The following SLIT3 variants were observed in gnomAD, a reference collection of about 807,000 sequenced individuals.
The protein encoded by SLIT3 is slit homolog 3 protein.
In SLIT3, 68 loss-of-function variants were observed where a neutral mutation model predicts 184.0. That is an observed-to-expected ratio of 0.37 (90% CI 0.30 to 0.45). SLIT3 has a LOEUF of 0.45. Among genes scored for constraint, SLIT3 ranks in the 20% least tolerant of loss-of-function variants. The pLI, the probability that SLIT3 is intolerant of heterozygous loss-of-function variation, is 1.00. For missense variants in SLIT3, 1,707 were observed against 2,026.0 expected (o/e 0.84, Z 3.02); for synonymous variants, 831 against 828.6 (o/e 1.00, Z -0.05).
chr5:168,833,980 G>T (rs942710250), intron 6 of SLIT3, among the ~76,000 whole-genome samples: 1 of 152,198 alleles, frequency 6.6e-6, no homozygotes, highest in Admixed American at 6.5e-5. Context: ...GGTCATGGAT[G>T]CCCAGATCTG....
At chr5:168,925,817 A>C (rs1326168868) in intron 4 of SLIT3, among the ~76,000 whole-genome samples, 1 of 152,158 alleles carries the variant, frequency 6.6e-6, no homozygotes, top group Non-Finnish European at 1.5e-5. Context: ...GTTATATTTA[A>C]AGGCAGTAAC....
intron 3 of SLIT3, among the ~76,000 whole-genome samples, chr5:169,225,146 A>G (rs1367547632): frequency 2.0e-5 from 3 of 152,220 alleles, no homozygotes; most frequent in Admixed American, 6.5e-5. Flanking sequence ...CCACTATGTG[A>G]CAAGTCTTGT....
At chr5:168,715,120 A>AG (rs1197959420) in intron 23 of SLIT3, among the ~76,000 whole-genome samples, 6 of 152,310 alleles carry the variant, frequency 3.9e-5, no homozygotes, top group African/African-American at 1.4e-4. Flanking sequence ...TAAGAACCCA[A>AG]GGCTCTGGAG....
chr5:168,968,743 A>C lies in SLIT3; in HGVS notation c.414-85407T>G, dbSNP rs558982245. Reference sequence around the variant, plus strand: ...CACTGTCTTGGCTACACACCTCTGTAGGTCTTTGCCCTACTGAGCATGATC... The same window carrying C: ...CACTGTCTTGGCTACACACCTCTGTCGGTCTTTGCCCTACTGAGCATGATC... On this transcript the variant is annotated intron_variant, in intron 4 of 35. Coordinates refer to ENST00000519560, the MANE Select transcript of SLIT3 (RefSeq NM_003062.4). 2.4e-4 allele frequency among the ~76,000 whole-genome samples: 36 copies of C among 152,284 alleles called. 1 individual carries two copies. The highest frequency in any genetic ancestry group is 8.4e-4 in the African/African-American group (35 of 41,560).
chr5:168,983,565 T>C lies in SLIT3; in HGVS notation c.414-100229A>G, dbSNP rs546300091. ...CTGATGTCCATTCTTTGCTCTGTTC[T>C]AAGCTGTGAGCCCCGAGCAAAATCA... On this transcript the variant is annotated intron_variant, in intron 4 of 35. Transcript: ENST00000519560. 2.6e-5 allele frequency among the ~76,000 whole-genome samples: 4 copies of C among 152,350 alleles called. No homozygotes were observed. In the South Asian group the frequency reaches 8.3e-4, roughly 32 times the overall value.
At chr5:169,121,891 C>T (rs1413167392) in intron 4 of SLIT3, among the ~76,000 whole-genome samples, 1 of 152,212 alleles carries the variant, frequency 6.6e-6, no homozygotes, top group African/African-American at 2.4e-5. Context: ...CAGTTTAGTG[C>T]TCCTTTCTCA....
At chr5:168,868,385 G>T (rs1759384380) in intron 5 of SLIT3, among the ~76,000 whole-genome samples, 1 of 152,080 alleles carries the variant, frequency 6.6e-6, no homozygotes, top group East Asian at 1.9e-4. Flanking sequence ...TGAACTCCTG[G>T]GTTCAAGCAA....
intron 4 of SLIT3, among the ~76,000 whole-genome samples, chr5:169,157,887 G>T (rs1422022015): frequency 1.3e-5 from 2 of 151,620 alleles, no homozygotes; most frequent in Admixed American, 6.6e-5. Context: ...AAAATTCAAT[G>T]AATGGGTTCC....
intron 4 of SLIT3, among the ~76,000 whole-genome samples, chr5:168,966,717 T>G (rs1223571117): frequency 6.6e-6 from 1 of 151,976 alleles, no homozygotes; most frequent in Non-Finnish European, 1.5e-5. Context: ...GTCTGGAGAG[T>G]TGCAAGAGAG....
At chr5:168,943,500 T>A (rs75522134) in intron 4 of SLIT3, among the ~76,000 whole-genome samples, 1 of 152,344 alleles carries the variant, frequency 6.6e-6, no homozygotes, top group African/African-American at 2.4e-5. Flanking sequence ...ATCTGAGTAG[T>A]AATCTCAGTT....
chr5:168,779,315 G>A (rs554653731), intron 12 of SLIT3, among the ~76,000 whole-genome samples: 6 of 152,290 alleles, frequency 3.9e-5, no homozygotes, highest in Non-Finnish European at 7.3e-5. Context: ...GATGGGAGGC[G>A]GTGGAGGTAC....
intron 4 of SLIT3, among the ~76,000 whole-genome samples, chr5:169,056,515 C>T (rs1255755343): frequency 4.6e-5 from 7 of 151,898 alleles, no homozygotes; most frequent in Admixed American, 6.6e-5. Flanking sequence ...ACATTGCCAT[C>T]GATAGGTTTG....
chr5:168,685,245 G>A (rs1761708815), intron 31 of SLIT3, among the ~76,000 whole-genome samples: 1 of 152,204 alleles, frequency 6.6e-6, no homozygotes, highest in Admixed American at 6.5e-5. Flanking sequence ...CACCACACCT[G>A]GCCAAAGATA....
intron 4 of SLIT3, among the ~76,000 whole-genome samples, chr5:169,088,956 G>C (rs1759445898): frequency 7.1e-6 from 1 of 141,074 alleles, no homozygotes; most frequent in Admixed American, 7.6e-5. Flanking sequence ...GGAGGCAGAG[G>C]TTGCAGTGAG....
chr5:168,938,207 A>G (rs10062327), intron 4 of SLIT3, among the ~76,000 whole-genome samples: 2,945 of 152,348 alleles, frequency 0.019, 107 homozygotes, highest in African/African-American at 0.067. Flanking sequence ...TGAGGCAAAG[A>G]ACATATTCTG....
chr5:169,202,820 T>C lies in SLIT3; in HGVS notation c.342-9270A>G, dbSNP rs1245823629. Among the ~76,000 whole-genome samples, 4 of 115,474 alleles carry C rather than the reference T, an allele frequency of 3.5e-5. No individual in the cohort carries two copies. The South Asian group carries it at 1.3e-3, about 36-fold the overall frequency. The allele number at this position is 115,474 out of a possible 152,430, so 75.8% of individuals were successfully genotyped here. A position where few individuals can be genotyped will look rare whatever the true frequency, so the allele number is the denominator to read the frequency against. ...CCCACCCCTGCCCGCAACACACACA[T>C]ACCAAACAATCTCTTTTGACCTTTC... On this transcript the variant is annotated intron_variant, in intron 3 of 35. Coordinates refer to ENST00000519560, the MANE Select transcript of SLIT3 (RefSeq NM_003062.4).
chr5:168,789,536 G>A, intron 11 of SLIT3, 24 bp downstream of exon 11: 1 of 1,601,164 alleles, frequency 6.2e-7, no homozygotes, highest in Non-Finnish European at 8.5e-7. Flanking sequence ...CCTCACCTCA[G>A]GCCCCAACTC....
At chr5:168,798,416 GA>G (rs1402508722) in intron 9 of SLIT3, among the ~76,000 whole-genome samples, 4 of 151,888 alleles carry the variant, frequency 2.6e-5, no homozygotes, top group Admixed American at 2.6e-4. Context: ...TTTGTAGAGA[GA>G]GGGGTCTCAC....
intron 26 of SLIT3, chr5:168,707,756 G>T (rs567393366): frequency 1.9e-6 from 1 of 534,628 alleles, no homozygotes; most frequent in Admixed American, 3.3e-5. Flanking sequence ...GGACATCCTT[G>T]TCAAGACCAT....
Sources: allele counts gnomAD v4.1 joint callset (sites outside exome capture counted in the v4.1 genomes callset), GRCh38; gene constraint gnomAD v4.1.1; transcripts MANE v1.5; gene names NCBI Gene and HGNC (gene_info 2026-07-23, HGNC 2026-07-21).